Variants in EHBP1L1 observed in about 807,000 individuals in gnomAD.
EHBP1L1 encodes EH domain binding protein 1 like 1.
In EHBP1L1, 122 loss-of-function variants were observed where a neutral mutation model predicts 151.1. That is an observed-to-expected ratio of 0.81 (90% CI 0.70 to 0.94). EHBP1L1 has a LOEUF of 0.94. Among genes scored for constraint, EHBP1L1 ranks in the 40% least tolerant of loss-of-function variants. The pLI is 0.00. For synonymous variants in EHBP1L1, 878 were observed against 810.1 expected (o/e 1.08, Z -1.42); for missense variants, 1,941 against 1,959.8 (o/e 0.99, Z 0.18).
In EHBP1L1 at chr11:65,591,968, AC is replaced by A; in HGVS notation, c.4358-5del. ...CGCCTCCTGACGCTTAGCCGCTTCG[AC>A]CCTCAGACTGGCAGAAAACGTCCGC... On this transcript the variant is annotated splice_polypyrimidine_tract_variant and splice_region_variant and intron_variant, in intron 17 of 18. Coordinates refer to ENST00000309295, the MANE Select transcript of EHBP1L1 (RefSeq NM_001099409.3). The A allele has an allele frequency of 6.2e-7, 1 of 1,609,832 alleles. No homozygotes were observed. Among genetic ancestry groups the A allele is most frequent in the Non-Finnish European group, 8.5e-7 (1 of 1,177,018 alleles).
chr11:65,591,961 C>G lies in EHBP1L1; in HGVS notation c.4358-15C>G. 2 of 1,609,584 alleles carry G rather than the reference C, an allele frequency of 1.2e-6. No homozygotes were observed. Among genetic ancestry groups the G allele is most frequent in the Non-Finnish European group, 1.7e-6 (2 of 1,176,714 alleles). ...GGGCCCGCGCCTCCTGACGCTTAGCCGCTTCGACCCTCAGACTGGCAGAAA... is the reference window on the plus strand; with the variant it reads ...GGGCCCGCGCCTCCTGACGCTTAGCGGCTTCGACCCTCAGACTGGCAGAAA... On this transcript the variant is annotated splice_polypyrimidine_tract_variant and intron_variant, in intron 17 of 18. Transcript: ENST00000309295.
chr11:65,588,819 T>C (rs940075005), intron 12 of EHBP1L1, among the ~76,000 whole-genome samples: 1 of 152,142 alleles, frequency 6.6e-6, no homozygotes, highest in African/African-American at 2.4e-5. Context: ...GCTTGTCCTG[T>C]GTGTGTGAGC....
chr11:65,591,553 C>T (rs1228681647), intron 16 of EHBP1L1: 1 of 590,866 alleles, frequency 1.7e-6, no homozygotes, highest in Admixed American at 3.0e-5. Flanking sequence ...TCCAAATAAT[C>T]CTTCGGGGGT....
In EHBP1L1 at chr11:65,585,429, G is replaced by T; in HGVS notation, c.3771G>T (p.Ser1257=). Residue 1257 remains serine (S), a synonymous_variant, in exon 12 of 19, where the codon TCG becomes TCT. Coordinates refer to ENST00000309295, the MANE Select transcript of EHBP1L1 (RefSeq NM_001099409.3). The surrounding 1 kb of genome is among the most constrained non-coding windows in gnomAD (Gnocchi z 4.0). ...GGGGVRLRRP[S]VNGEPGSVPP... Reference sequence around the variant, plus strand: ...GCGGCGTGAGGCTGCGACGGCCCTCGGTCAACGGGGAGCCCGGGTCGGTGC... The same window carrying T: ...GCGGCGTGAGGCTGCGACGGCCCTCTGTCAACGGGGAGCCCGGGTCGGTGC... 1 of 1,471,632 alleles carries T rather than the reference G, an allele frequency of 6.8e-7. No individual in the cohort carries two copies. Among genetic ancestry groups the T allele is most frequent in the South Asian group, 1.3e-5 (1 of 78,648 alleles). The allele number at this position is 1,471,632 out of a possible 1,614,324, so 91.2% of individuals were successfully genotyped here.
intron 12 of EHBP1L1, among the ~76,000 whole-genome samples, chr11:65,586,818 G>T (rs567853338): frequency 5.2e-4 from 79 of 152,384 alleles, no homozygotes; most frequent in Non-Finnish European, 6.8e-4. Context: ...ATTAATGTGT[G>T]TCAGTGGCTC....
intron 1 of EHBP1L1, among the ~76,000 whole-genome samples, chr11:65,578,798 G>A (rs111944662): frequency 6.6e-6 from 1 of 152,244 alleles, no homozygotes; most frequent in Non-Finnish European, 1.5e-5. Context: ...CTCTGTATGT[G>A]CCTGTCCCTT....
rs751978036 is a variant in EHBP1L1 at position 65,581,347 on chromosome 11, G to GC, written c.845dup (p.Glu283GlyfsTer29). The GC allele has an allele frequency of 1.3e-6, 2 of 1,584,702 alleles. No homozygotes were observed. Among genetic ancestry groups the GC allele is most frequent in the Non-Finnish European group, 1.7e-6 (2 of 1,168,932 alleles). The stretch of plus-strand genomic sequence containing the variant: ...GCCAGGTAGGCCCTGAGGCCCCAAG[G>GC]CCCCCGGAAACCTCACCAGAGATGA... On this transcript the variant is annotated frameshift_variant, in exon 8 of 19. Coordinates refer to ENST00000309295, the MANE Select transcript of EHBP1L1 (RefSeq NM_001099409.3). LOFTEE classifies it high-confidence loss of function.
At chr11:65,591,698 T>G (rs567014228) in intron 16 of EHBP1L1, 102 bp from the exon 17 acceptor site, 2 of 922,020 alleles carry the variant, frequency 2.2e-6, no homozygotes, top group South Asian at 1.4e-5. Flanking sequence ...GCTGGGGAGG[T>G]GGGATGGGGT....
chr11:65,579,206 G>A lies in EHBP1L1; in HGVS notation c.162+71G>A. On this transcript the variant is annotated intron_variant, in intron 2 of 18. Coordinates refer to ENST00000309295, the MANE Select transcript of EHBP1L1 (RefSeq NM_001099409.3). ...GGTGGGAGGCTGATGGGGGCTGATG[G>A]GGGAGTGGAGTGAGGTTCAAGCACA... 3.3e-6 allele frequency: 5 copies of A among 1,537,488 alleles called. No individual in the cohort carries two copies. In the South Asian group the frequency reaches 4.8e-5, roughly 15 times the overall value.
Position 65,583,140 on chromosome 11 carries a change from A to G in EHBP1L1, c.2468A>G (p.Glu823Gly). 6.2e-7 allele frequency: 1 copy of G among 1,613,346 alleles called. No homozygotes were observed. Among genetic ancestry groups the G allele is most frequent in the Non-Finnish European group, 8.5e-7 (1 of 1,179,776 alleles). ...TAETEILGTQ[E>G]IASRSSGVPG... is the part of the protein sequence containing the mutation. The stretch of plus-strand genomic sequence containing the variant: ...GAAACTGAGATATTGGGGACCCAAG[A>G]GATAGCATCTAGGAGTTCAGGGGTC... The change falls in exon 9 of 19, where the codon GAG becomes GGG. Residue 823 changes from glutamate to glycine, a missense_variant. Transcript: ENST00000309295.
Position 65,590,508 on chromosome 11 carries a change from A to G in EHBP1L1, c.4199A>G (p.Gln1400Arg). 1 of 1,613,436 alleles carries G rather than the reference A, an allele frequency of 6.2e-7. No homozygotes were observed. Among genetic ancestry groups the G allele is most frequent in the East Asian group, 2.2e-5 (1 of 44,882 alleles). Reference protein sequence around the residue: ...SLMESGANKLQEEVLIQEWFT... With the variant: ...SLMESGANKLREEVLIQEWFT... Reference sequence around the variant, plus strand: ...TCCAATGCAGGTGCCAACAAGCTGCAGGAGGAGGTGCTGATCCAGGAGTGG... The same window carrying G: ...TCCAATGCAGGTGCCAACAAGCTGCGGGAGGAGGTGCTGATCCAGGAGTGG... Residue 1400 changes from glutamine to arginine, a missense_variant, in exon 16 of 19, where the codon CAG (glutamine) becomes CGG (arginine). Transcript: ENST00000309295.
In EHBP1L1 at chr11:65,584,310, C is replaced by T. The variant is rs746174380; in HGVS notation, c.3163C>T (p.Arg1055Cys). Residue 1055 changes from arginine (R) to cysteine (C), a missense_variant, in exon 10 of 19, where the codon CGT becomes TGT. Arg to Cys is a radical substitution (Grantham distance 180). Coordinates refer to ENST00000309295, the MANE Select transcript of EHBP1L1 (RefSeq NM_001099409.3). ...EWCQEVTTGY[R>C]GVRITNFTTS... ...GTGCCAGGAAGTCACCACTGGCTACCGTGGCGTCCGCATCACCAACTTCAC... is the reference window on the plus strand; with the variant it reads ...GTGCCAGGAAGTCACCACTGGCTACTGTGGCGTCCGCATCACCAACTTCAC... 1.2e-5 allele frequency: 19 copies of T among 1,611,562 alleles called. No individual in the cohort carries two copies. The East Asian group carries it at 2.0e-4, about 17-fold the overall frequency.
Position 65,581,623 on chromosome 11 carries a change from C to T in EHBP1L1, c.951C>T (p.Val317=). ...RKGSDALRPP[V]PQGEDEVPKA... ...GCTCTGATGCCCTCCGGCCCCCAGT[C>T]CCCCAGGGGGAAGATGAGGTCCCCA... Residue 317 remains valine, a synonymous_variant, in exon 9 of 19, where the codon GTC becomes GTT. Coordinates refer to ENST00000309295, the MANE Select transcript of EHBP1L1 (RefSeq NM_001099409.3). The T allele has an allele frequency of 6.5e-7, 1 of 1,544,938 alleles. No individual in the cohort carries two copies. The highest frequency in any genetic ancestry group is 8.7e-7 in the Non-Finnish European group (1 of 1,144,288).
rs183146624 is a variant in EHBP1L1, at chr11:65,590,520, T to C, written c.4211T>C (p.Leu1404Pro). 11 of 1,613,562 alleles carry C rather than the reference T, an allele frequency of 6.8e-6. No individual in the cohort carries two copies. The East Asian group carries it at 2.2e-4, about 33-fold the overall frequency. ...GCCAACAAGCTGCAGGAGGAGGTGC[T>C]GATCCAGGAGTGGTTCACCCTGGTC... Reference protein sequence around the residue: ...SGANKLQEEVLIQEWFTLVNK... With the variant: ...SGANKLQEEVPIQEWFTLVNK... The change falls in exon 16 of 19, where the codon CTG becomes CCG. Residue 1404 changes from leucine to proline, a missense_variant. Coordinates refer to ENST00000309295, the MANE Select transcript of EHBP1L1 (RefSeq NM_001099409.3).
chr11:65,588,822 G>C (rs1017433047), intron 12 of EHBP1L1, among the ~76,000 whole-genome samples: 5 of 152,228 alleles, frequency 3.3e-5, no homozygotes, highest in African/African-American at 1.2e-4. Flanking sequence ...TGTCCTGTGT[G>C]TGTGAGCATG....
At position 65,580,176 on chromosome 11, in the gene EHBP1L1, G is replaced by T; in HGVS notation, c.408G>T (p.Arg136=). Residue 136 remains arginine, a synonymous_variant, in exon 5 of 19, where the codon CGG becomes CGT. Transcript: ENST00000309295. ...CTGTCCAAGTCCCAGTGAGGCTGCG[G>T]CTGAAGCCAAAGTCAGTGAAGGTGG... ...PVPVQVPVRL[R]LKPKSVKVVQ... is the part of the protein sequence containing the mutation. 6.2e-7 allele frequency: 1 copy of T among 1,613,556 alleles called. No individual in the cohort carries two copies. The highest frequency in any genetic ancestry group is 1.3e-5 in the African/African-American group (1 of 75,066).
Position 65,583,447 on chromosome 11 carries a change from AG to A in EHBP1L1, c.2778del (p.Ser927GlnfsTer6). 6.2e-7 allele frequency: 1 copy of A among 1,613,566 alleles called. No homozygotes were observed. The highest frequency in any genetic ancestry group is 8.5e-7 in the Non-Finnish European group (1 of 1,179,762). ...CAAAAGCAGAGATTTCAGGAGTACA[AG>A]GGTCAGAGACTCAAGTTCTGAGAGT... ...EAKAEISGVQGSETQVLRVQE... is the reference protein window; with the variant it reads ...EAKAEISGVQXSETQVLRVQE... On this transcript the variant is annotated frameshift_variant, in exon 9 of 19. Coordinates refer to ENST00000309295, the MANE Select transcript of EHBP1L1 (RefSeq NM_001099409.3). LOFTEE classifies it high-confidence loss of function.
chr11:65,584,665 T>C, intron 11 of EHBP1L1, 131 bp downstream of exon 11: 1 of 1,224,496 alleles, frequency 8.2e-7, no homozygotes, highest in East Asian at 2.6e-5. Flanking sequence ...TTTTACCCCT[T>C]TGGTCATTAA....
intron 16 of EHBP1L1, chr11:65,591,356 C>T: frequency 4.3e-6 from 1 of 235,052 alleles, no homozygotes. Context: ...CCACTGCACT[C>T]CAGCCTTTAC....
Sources: allele counts gnomAD v4.1 joint callset (sites outside exome capture counted in the v4.1 genomes callset), GRCh38; gene constraint gnomAD v4.1.1; non-coding constraint Gnocchi (gnomAD v3.1); transcripts MANE v1.5; gene names NCBI Gene and HGNC (gene_info 2026-07-23, HGNC 2026-07-21).